NDST4: variants seen among roughly 807,000 people sequenced by gnomAD.
NDST4 encodes the protein N-deacetylase and N-sulfotransferase 4.
A neutral mutation model predicts 100.8 loss-of-function variants in NDST4; 63 were observed. That is an observed-to-expected ratio of 0.62 (90% CI 0.51 to 0.77). NDST4 has a LOEUF of 0.77. Among genes scored for constraint, NDST4 ranks in the 30% least tolerant of loss-of-function variants. The probability of loss-of-function intolerance (pLI) is 0.00; values close to 1 mark genes in which losing one functional copy is unlikely to be tolerated. For missense variants in NDST4, 943 were observed against 1,018.4 expected, an observed-to-expected ratio of 0.93 and a Z score of 1.01; for synonymous variants, 377 against 361.8, an observed-to-expected ratio of 1.04 and a Z score of -0.48.
chr4:114,829,824 CT>C lies in NDST4; in HGVS notation c.2464del (p.Ser822AlafsTer43). 1.2e-6 allele frequency: 2 copies of C among 1,611,644 alleles called. No homozygotes were observed. The highest frequency in any genetic ancestry group is 1.7e-6 in the Non-Finnish European group (2 of 1,179,356). On this transcript the variant is annotated frameshift_variant, in exon 13 of 14. Transcript: ENST00000264363. LOFTEE classifies it high-confidence loss of function. ...CATAGGTGGATATTTTCGGCCTTTG[CT>C]TTTTCCAAGGCATTTTGTCTTTCCT... ...EGGKTKCLGK[S>X]KGRKYPPMDP...
intron 2 of NDST4, among the ~76,000 whole-genome samples, chr4:114,987,006 T>G (rs1261441977): frequency 6.6e-6 from 1 of 151,584 alleles, no homozygotes; most frequent in Non-Finnish European, 1.5e-5. Flanking sequence ...TAACTCATAT[T>G]TCCTAAAGGC....
In NDST4 at chr4:115,000,514, G is replaced by A. The variant is rs79156994; in HGVS notation, c.979-23240C>T. Among the ~76,000 whole-genome samples, 321 of 152,084 alleles carry A rather than the reference G, an allele frequency of 2.1e-3. 1 individual carries two copies. The highest frequency in any genetic ancestry group is 0.017 in the Middle Eastern group (5 of 294). On this transcript the variant is annotated intron_variant, in intron 2 of 13. Transcript: ENST00000264363. ...GACTATTTACACATGGACCCAAAAG[G>A]ATTGTCAGTAATTTAAAAATAAAGC...
intron 4 of NDST4, among the ~76,000 whole-genome samples, chr4:114,952,685 C>T (rs920789942): frequency 6.6e-6 from 1 of 152,062 alleles, no homozygotes; most frequent in Non-Finnish European, 1.5e-5. Context: ...TTGGAGACTG[C>T]TAGAATAAGC....
At position 114,860,239 on chromosome 4, in the gene NDST4, G is replaced by T. The variant is rs994813281; in HGVS notation, c.1720-7418C>A. Among the ~76,000 whole-genome samples, 3 of 152,006 alleles carry T rather than the reference G, an allele frequency of 2.0e-5. 1 individual carries two copies. Among genetic ancestry groups the T allele is most frequent in the African/African-American group, 7.2e-5 (3 of 41,386 alleles). On this transcript the variant is annotated intron_variant, in intron 7 of 13. Coordinates refer to ENST00000264363, the MANE Select transcript of NDST4 (RefSeq NM_022569.3). ...GTTTTAACTGGTATCTCCATTTTCT[G>T]CCATCTTTTTATTTAGTATTCCATC...
At chr4:115,006,468 C>A (rs1373826679) in intron 2 of NDST4, among the ~76,000 whole-genome samples, 1 of 151,986 alleles carries the variant, frequency 6.6e-6, no homozygotes, top group Admixed American at 6.6e-5. Flanking sequence ...AATATGAAAG[C>A]TATCAACATA....
At chr4:114,840,647 C>T (rs932977713) in intron 10 of NDST4, among the ~76,000 whole-genome samples, 2 of 152,048 alleles carry the variant, frequency 1.3e-5, no homozygotes, top group African/African-American at 2.4e-5. Context: ...AAGAGGACTT[C>T]GTCATCTAAG....
chr4:114,902,308 CAA>C (rs1352592806), intron 6 of NDST4, among the ~76,000 whole-genome samples: 1 of 151,904 alleles, frequency 6.6e-6, no homozygotes, highest in East Asian at 1.9e-4. Flanking sequence ...GCTTTTCTAA[CAA>C]AGTCTTTATT....
At chr4:115,112,909 G>C (rs2110349265) in intron 1 of NDST4, among the ~76,000 whole-genome samples, 1 of 152,008 alleles carries the variant, frequency 6.6e-6, no homozygotes, top group East Asian at 1.9e-4. Flanking sequence ...ATTTATGACT[G>C]TAACATACAA....
At chr4:115,028,078 T>C (rs1728028782) in intron 2 of NDST4, among the ~76,000 whole-genome samples, 1 of 151,546 alleles carries the variant, frequency 6.6e-6, no homozygotes, top group Non-Finnish European at 1.5e-5. Context: ...AAAAGAATGA[T>C]CCTGAGTGGA....
intron 4 of NDST4, among the ~76,000 whole-genome samples, chr4:114,956,233 A>G (rs1018614194): frequency 2.0e-5 from 3 of 152,200 alleles, no homozygotes; most frequent in Non-Finnish European, 4.4e-5. Flanking sequence ...GAAGTAGACA[A>G]TTGTAGTTAC....
At chr4:114,869,313 T>C (rs984184123) in intron 7 of NDST4, among the ~76,000 whole-genome samples, 1 of 151,986 alleles carries the variant, frequency 6.6e-6, no homozygotes, top group Non-Finnish European at 1.5e-5. Context: ...CATTGAAGGA[T>C]TCTTTCTATG....
At chr4:114,941,305 C>T (rs929719676) in intron 4 of NDST4, among the ~76,000 whole-genome samples, 2 of 152,080 alleles carry the variant, frequency 1.3e-5, no homozygotes, top group African/African-American at 4.8e-5. Context: ...TTTGCTCTTA[C>T]TTTTTCACTA....
chr4:114,937,030 C>A (rs752250326), intron 5 of NDST4, among the ~76,000 whole-genome samples: 1 of 152,140 alleles, frequency 6.6e-6, no homozygotes, highest in Non-Finnish European at 1.5e-5. Flanking sequence ...AGTATGGAAT[C>A]CACAGGCAAA....
chr4:115,090,600 T>C (rs1021289108), intron 1 of NDST4, among the ~76,000 whole-genome samples: 4 of 152,060 alleles, frequency 2.6e-5, no homozygotes, highest in Non-Finnish European at 5.9e-5. Flanking sequence ...ATCACGTTTA[T>C]GTGAAAGGAG....
At chr4:115,057,695 T>C (rs1175489291) in intron 2 of NDST4, among the ~76,000 whole-genome samples, 1 of 144,254 alleles carries the variant, frequency 6.9e-6, no homozygotes, top group African/African-American at 2.6e-5. Context: ...TAGCTATGCG[T>C]GCGCACGCAC....
At chr4:114,913,024 C>G (rs1437151498) in intron 6 of NDST4, among the ~76,000 whole-genome samples, 1 of 151,832 alleles carries the variant, frequency 6.6e-6, no homozygotes, top group Non-Finnish European at 1.5e-5. Flanking sequence ...CTGACTTTCT[C>G]TGTAATATTA....
At chr4:115,039,473 G>A (rs1278518548) in intron 2 of NDST4, among the ~76,000 whole-genome samples, 1 of 151,942 alleles carries the variant, frequency 6.6e-6, no homozygotes, top group Non-Finnish European at 1.5e-5. Context: ...TCCGAATTAA[G>A]CAAGAAGTGA....
chr4:115,086,191 T>A (rs1330523174), intron 1 of NDST4, among the ~76,000 whole-genome samples: 2 of 152,182 alleles, frequency 1.3e-5, no homozygotes, highest in Non-Finnish European at 2.9e-5. Context: ...GTTGAGACTA[T>A]GAAATGGTTG....
chr4:115,027,922 G>A (rs937964153), intron 2 of NDST4, among the ~76,000 whole-genome samples: 2 of 151,934 alleles, frequency 1.3e-5, no homozygotes, highest in African/African-American at 4.8e-5. Flanking sequence ...GCGTGGTGGT[G>A]CATGCCTATA....
Sources: gnomAD v4.1 joint callset for allele counts (sites outside exome capture counted in the v4.1 genomes callset) on GRCh38, gnomAD v4.1.1 for gene constraint, MANE v1.5 for transcripts, NCBI Gene and HGNC (gene_info 2026-07-23, HGNC 2026-07-21) for gene names.